The following TRA2A variants were observed in gnomAD, a reference collection of about 807,000 sequenced individuals.
TRA2A encodes the protein transformer-2 protein homolog alpha.
A neutral mutation model predicts 45.7 loss-of-function variants in TRA2A; 31 were observed. The observed-to-expected ratio is 0.68, with a 90% CI of 0.51 to 0.92. The LOEUF is 0.92. Ranked by LOEUF, TRA2A falls within the 40% of genes least tolerant of loss-of-function variation. The pLI is 0.00. For synonymous variants in TRA2A, 132 were observed against 126.2 expected (o/e 1.05, Z -0.31); for missense variants, 304 against 367.5 (o/e 0.83, Z 1.41).
intron 2 of TRA2A, among the ~76,000 whole-genome samples, chr7:23,519,206 AC>A (rs1730516035): frequency 6.6e-6 from 1 of 152,064 alleles, no homozygotes; most frequent in Non-Finnish European, 1.5e-5. Flanking sequence ...ATCGTGGCTA[AC>A]ATGATAAAAC....
chr7:23,516,621 T>A (rs1789884729), intron 2 of TRA2A, 93 bp from the exon 3 acceptor site: 2 of 1,116,500 alleles, frequency 1.8e-6, no homozygotes, highest in East Asian at 4.8e-5. Flanking sequence ...CCCTAACTAT[T>A]CTCAGGTCCT....
At chr7:23,517,477 C>CAAA (rs70954385) in intron 2 of TRA2A, among the ~76,000 whole-genome samples, 412 of 13,908 alleles carry the variant, frequency 0.03, 66 homozygotes, top group Non-Finnish European at 0.034. Flanking sequence ...GACTACGTCT[C>CAAA]AAAAAAAAAA....
intron 2 of TRA2A, among the ~76,000 whole-genome samples, chr7:23,519,188 T>C (rs1293225774): frequency 6.6e-6 from 1 of 152,024 alleles, no homozygotes; most frequent in Non-Finnish European, 1.5e-5. Flanking sequence ...GGTCAGGAGA[T>C]CGAGACCATC....
chr7:23,516,492 A>C lies in TRA2A; in HGVS notation c.207T>G (p.Thr69=), dbSNP rs774218197. The C allele has an allele frequency of 6.2e-7, 1 of 1,614,250 alleles. No individual in the cohort carries two copies. The highest frequency in any genetic ancestry group is 8.5e-7 in the Non-Finnish European group (1 of 1,180,040). ...RSRRHSHRRY[T]RSRSHSHSHR... is the part of the protein sequence containing the mutation. ...GAGAGTGAGAGTGGGATCTGGATCG[A>C]GTGTAACGTCTATGAGAATGTCTCC... Residue 69 remains threonine, a synonymous_variant, in exon 3 of 8, where the codon ACT becomes ACG. Coordinates refer to ENST00000297071, the MANE Select transcript of TRA2A (RefSeq NM_013293.5).
At chr7:23,531,075 G>T in intron 1 of TRA2A, 1 of 234,554 alleles carries the variant, frequency 4.3e-6, no homozygotes, top group Non-Finnish European at 7.0e-6. Context: ...ATTTCGAAGT[G>T]AAAGGAAAGT....
Position 23,507,427 on chromosome 7 carries a change from G to C in TRA2A, c.634C>G (p.Pro212Ala). ...TPTPGIYMGRPTHSGGGGGGG... is the reference protein window; with the variant it reads ...TPTPGIYMGRATHSGGGGGGG... The stretch of plus-strand genomic sequence containing the variant: ...GGAAACTTGAACTCTTACTGAGTTG[G>C]TCTGCCCATGTAGATGCCTGGTGTT... Residue 212 changes from proline to alanine, a missense_variant, in exon 5 of 8, where the codon CCA (proline) becomes GCA (alanine). By Grantham distance (27) the Pro-to-Ala change is conservative. Transcript: ENST00000297071. The C allele has an allele frequency of 6.2e-7, 1 of 1,613,004 alleles. No homozygotes were observed. Among genetic ancestry groups the C allele is most frequent in the Non-Finnish European group, 8.5e-7 (1 of 1,179,032 alleles).
Position 23,507,503 on chromosome 7 carries a change from A to T in TRA2A, c.558T>A (p.Asp186Glu). ...AMERANGMELDGRRIRVDYSI... is the reference protein window; with the variant it reads ...AMERANGMELEGRRIRVDYSI... Reference sequence around the variant, plus strand: ...AATAATCCACCCGAATTCTTCTACCATCCAGCTCCATTCCATTTGCCCTTT... The same window carrying T: ...AATAATCCACCCGAATTCTTCTACCTTCCAGCTCCATTCCATTTGCCCTTT... The change falls in exon 5 of 8, where the codon GAT becomes GAA. Residue 186 changes from aspartate to glutamate, a missense_variant. Asp to Glu is a conservative substitution (Grantham distance 45). Coordinates refer to ENST00000297071, the MANE Select transcript of TRA2A (RefSeq NM_013293.5). The T allele has an allele frequency of 4.3e-6, 7 of 1,614,194 alleles. No homozygotes were observed. Among genetic ancestry groups the T allele is most frequent in the Non-Finnish European group, 5.9e-6 (7 of 1,180,026 alleles).
chr7:23,521,590 G>A, intron 2 of TRA2A, 117 bp downstream of exon 2: 4 of 1,199,404 alleles, frequency 3.3e-6, no homozygotes, highest in Admixed American at 2.0e-5. Context: ...AGAGCAGTCT[G>A]AGAAAAACTA....
intron 2 of TRA2A, among the ~76,000 whole-genome samples, chr7:23,520,347 A>G (rs906016885): frequency 5.9e-5 from 9 of 152,258 alleles, no homozygotes; most frequent in Non-Finnish European, 1.0e-4. Context: ...CAGGTGACAA[A>G]TGAAATGAGA....
At chr7:23,512,843 C>A (rs1392924024) in intron 4 of TRA2A, 51 bp downstream of exon 4, 4 of 1,282,798 alleles carry the variant, frequency 3.1e-6, no homozygotes, top group South Asian at 1.8e-5. Context: ...TATTAATCAA[C>A]TTTTCACACT....
intron 1 of TRA2A, among the ~76,000 whole-genome samples, chr7:23,523,798 T>C (rs1790232262): frequency 6.6e-6 from 1 of 152,174 alleles, no homozygotes; most frequent in African/African-American, 2.4e-5. Flanking sequence ...CAGTATCTTA[T>C]AAAAAAAGGC....
rs138857110 is a variant in TRA2A, at chr7:23,524,246, C to G, written c.37-2406G>C. On this transcript the variant is annotated intron_variant, in intron 1 of 7. Coordinates refer to ENST00000297071, the MANE Select transcript of TRA2A (RefSeq NM_013293.5). Reference sequence around the variant, plus strand: ...TCACCCAGGCTGGAGTGTAATGGTGCGATCTAGGCTCACTGCAACCTCCAC... The same window carrying G: ...TCACCCAGGCTGGAGTGTAATGGTGGGATCTAGGCTCACTGCAACCTCCAC... 7.9e-3 allele frequency among the ~76,000 whole-genome samples: 1,200 copies of G among 152,118 alleles called. 8 individuals carry two copies. Among genetic ancestry groups the G allele is most frequent in the African/African-American group, 0.011 (443 of 41,506 alleles).
At chr7:23,509,704 G>A (rs1375018064) in intron 4 of TRA2A, among the ~76,000 whole-genome samples, 1 of 150,744 alleles carries the variant, frequency 6.6e-6, no homozygotes, top group Non-Finnish European at 1.5e-5. Flanking sequence ...CTGCCCTCCA[G>A]CCTGGCAACA....
chr7:23,517,911 CAACA>C lies in TRA2A; in HGVS notation c.171-1387_171-1384del, dbSNP rs377361159. On this transcript the variant is annotated intron_variant, in intron 2 of 7. Transcript: ENST00000297071. ...TGGGAACAAGCACAAAACTCTGTCTCAACAAACAAACAAACAAACAAAATCCTTT... is the reference window on the plus strand; with the variant it reads ...TGGGAACAAGCACAAAACTCTGTCTCAACAAACAAACAAACAAAATCCTTT... 2.1e-3 allele frequency among the ~76,000 whole-genome samples: 317 copies of C among 150,688 alleles called. 1 individual carries two copies. The highest frequency in any genetic ancestry group is 6.9e-3 in the Middle Eastern group (2 of 290).
At chr7:23,516,610 T>A (rs778496991) in intron 2 of TRA2A, 82 bp from the exon 3 acceptor site, 206 of 1,252,322 alleles carry the variant, frequency 1.6e-4, no homozygotes, top group Admixed American at 1.7e-4. Context: ...TATACATATA[T>A]CCCTAACTAT....
At chr7:23,519,121 C>T (rs1176397200) in intron 2 of TRA2A, among the ~76,000 whole-genome samples, 1 of 152,252 alleles carries the variant, frequency 6.6e-6, no homozygotes, top group Non-Finnish European at 1.5e-5. Flanking sequence ...AGGCCGGGCA[C>T]GGTGGCTCAC....
intron 1 of TRA2A, 174 bp downstream of exon 1, chr7:23,531,615 G>A (rs1790588679): frequency 4.5e-6 from 3 of 661,932 alleles, no homozygotes; most frequent in Non-Finnish European, 7.8e-6. Context: ...TATCCGTGGT[G>A]TTTGGGGAAG....
At chr7:23,522,797 T>C (rs1790188369) in intron 1 of TRA2A, among the ~76,000 whole-genome samples, 1 of 152,118 alleles carries the variant, frequency 6.6e-6, no homozygotes, top group Non-Finnish European at 1.5e-5. Flanking sequence ...ATCTGAAGAT[T>C]CTTAAAAATA....
chr7:23,518,999 T>G (rs192438023), intron 2 of TRA2A, among the ~76,000 whole-genome samples: 3 of 152,192 alleles, frequency 2.0e-5, no homozygotes, highest in Non-Finnish European at 2.9e-5. Context: ...AAGCCTTTAC[T>G]TATTGATGCT....
Sources: allele counts gnomAD v4.1 joint callset (sites outside exome capture counted in the v4.1 genomes callset), GRCh38; gene constraint gnomAD v4.1.1; transcripts MANE v1.5; gene names NCBI Gene and HGNC (gene_info 2026-07-23, HGNC 2026-07-21).